Variants in DGUOK observed in about 807,000 individuals in gnomAD.
DGUOK encodes deoxyguanosine kinase, mitochondrial.
A neutral mutation model predicts 36.6 loss-of-function variants in DGUOK; 30 were observed. That is an observed-to-expected ratio of 0.82 (90% CI 0.61 to 1.11). The LOEUF is 1.11. Ranked by LOEUF, DGUOK falls within the 50% of genes most tolerant of loss-of-function variation. DGUOK has a pLI of 0.00. For synonymous variants in DGUOK, 145 were observed against 126.3 expected, an observed-to-expected ratio of 1.15 and a Z score of -0.99; for missense variants, 361 against 336.4, an observed-to-expected ratio of 1.07 and a Z score of -0.57.
chr2:73,941,392 G>A (rs1259717824), intron 2 of DGUOK, among the ~76,000 whole-genome samples: 4 of 152,160 alleles, frequency 2.6e-5, no homozygotes, highest in African/African-American at 9.7e-5. Flanking sequence ...GGCATAATTT[G>A]TTAGGCAGCA....
At chr2:73,957,597 C>T (rs1019847216) in intron 5 of DGUOK, among the ~76,000 whole-genome samples, 5 of 152,176 alleles carry the variant, frequency 3.3e-5, no homozygotes, top group African/African-American at 1.2e-4. Flanking sequence ...TCGCTTGAAC[C>T]TGGGAGGCAA....
Position 73,957,180 on chromosome 2 carries a change from T to G in DGUOK, c.647T>G (p.Leu216Arg). 6.2e-7 allele frequency: 1 copy of G among 1,614,170 alleles called. No homozygotes were observed. Among genetic ancestry groups the G allele is most frequent in the Non-Finnish European group, 8.5e-7 (1 of 1,180,026 alleles). The change falls in exon 5 of 7, where the codon CTG (leucine) becomes CGG (arginine). Residue 216 changes from leucine (L) to arginine (R), a missense_variant. Physicochemically the swap from Leu to Arg is moderately radical, Grantham distance 102 (BLOSUM62 -2). Transcript: ENST00000264093. ...RAREEEKGIE[L>R]AYLEQLHGQH... ...AGGGAGGAGGAGAAAGGAATTGAGC[T>G]GGCCTATCTAGAGCAGCTGCATGGC...
At chr2:73,954,087 A>G (rs939915695) in intron 4 of DGUOK, among the ~76,000 whole-genome samples, 18 of 151,976 alleles carry the variant, frequency 1.2e-4, no homozygotes, top group African/African-American at 4.3e-4. Context: ...CATGCCTGCA[A>G]TGCCAGCACT....
At position 73,934,049 on chromosome 2, in the gene DGUOK, A is replaced by G. The variant is rs78104612; in HGVS notation, c.143-4861A>G. Among the ~76,000 whole-genome samples the G allele has an allele frequency of 1.2e-4, 18 of 152,296 alleles. No homozygotes were observed. The East Asian group carries it at 3.5e-3, about 29-fold the overall frequency. ...TCTTGTTCAGGAGATGAAAATGCCT[A>G]GAGGTGATAAATATAGGCTCCTATG... On this transcript the variant is annotated intron_variant, in intron 1 of 6. Coordinates refer to ENST00000264093, the MANE Select transcript of DGUOK (RefSeq NM_080916.3).
At chr2:73,942,458 T>C (rs151271158) in intron 2 of DGUOK, among the ~76,000 whole-genome samples, 47 of 152,342 alleles carry the variant, frequency 3.1e-4, no homozygotes, top group Non-Finnish European at 5.1e-4. Context: ...AGTAGTATTC[T>C]TGTTTATTCC....
chr2:73,927,203 C>T, intron 1 of DGUOK, 151 bp downstream of exon 1: 1 of 1,062,596 alleles, frequency 9.4e-7, no homozygotes, highest in Non-Finnish European at 1.4e-6. Context: ...GCAAAGTGCA[C>T]TGTGTATCTT....
intron 4 of DGUOK, among the ~76,000 whole-genome samples, chr2:73,953,373 A>G (rs1306343631): frequency 6.6e-6 from 1 of 152,082 alleles, no homozygotes; most frequent in Non-Finnish European, 1.5e-5. Context: ...CAGCTGGAGT[A>G]GAATGAGAAG....
chr2:73,944,194 T>A (rs887784732), intron 2 of DGUOK, among the ~76,000 whole-genome samples: 1 of 152,096 alleles, frequency 6.6e-6, no homozygotes, highest in Admixed American at 6.5e-5. Context: ...AACTTTTAAA[T>A]TTTTTTGTGG....
At chr2:73,943,779 A>G (rs1042087951) in intron 2 of DGUOK, among the ~76,000 whole-genome samples, 5 of 151,690 alleles carry the variant, frequency 3.3e-5, no homozygotes, top group African/African-American at 1.2e-4. Context: ...CCTCCCAAGT[A>G]GTTGGGATTA....
At chr2:73,942,156 T>A (rs75215592) in intron 2 of DGUOK, among the ~76,000 whole-genome samples, 11,185 of 152,188 alleles carry the variant, frequency 0.073, 543 homozygotes, top group African/African-American at 0.14. Context: ...GTAATCCACC[T>A]GAATTGGCCT....
chr2:73,940,773 C>T (rs112650194), intron 2 of DGUOK, among the ~76,000 whole-genome samples: 9 of 152,146 alleles, frequency 5.9e-5, no homozygotes, highest in African/African-American at 1.9e-4. Context: ...CAGTAGCATG[C>T]GATACAGCTT....
intron 1 of DGUOK, among the ~76,000 whole-genome samples, chr2:73,930,554 A>T (rs1680925366): frequency 6.6e-6 from 1 of 152,226 alleles, no homozygotes; most frequent in South Asian, 2.1e-4. Flanking sequence ...TACTTAGGAC[A>T]GGTCATCAGA....
intron 1 of DGUOK, among the ~76,000 whole-genome samples, chr2:73,929,206 T>G (rs1422681222): frequency 1.3e-5 from 2 of 152,168 alleles, no homozygotes; most frequent in African/African-American, 4.8e-5. Flanking sequence ...CCTCCCAGGC[T>G]CAAGCCATCC....
chr2:73,927,262 C>T (rs948400266), intron 1 of DGUOK, among the ~76,000 whole-genome samples: 2 of 152,252 alleles, frequency 1.3e-5, no homozygotes, highest in South Asian at 2.1e-4. Flanking sequence ...CCCACAGGAA[C>T]ATATTTGTTG....
At chr2:73,958,392 G>T (rs763609930) in intron 6 of DGUOK, 147 bp downstream of exon 6, 10 of 721,554 alleles carry the variant, frequency 1.4e-5, no homozygotes, top group Non-Finnish European at 2.5e-5. Context: ...GGAATCTTGT[G>T]CAGATTACAA....
At chr2:73,952,672 C>G (rs1456029448) in intron 4 of DGUOK, among the ~76,000 whole-genome samples, 1 of 152,140 alleles carries the variant, frequency 6.6e-6, no homozygotes, top group Non-Finnish European at 1.5e-5. Context: ...ACAGCACATT[C>G]AGCTCAGTGC....
chr2:73,957,122 T>C lies in DGUOK; in HGVS notation c.592-3T>C, dbSNP rs753238518. 1.2e-6 allele frequency: 2 copies of C among 1,612,182 alleles called. No individual in the cohort carries two copies. Among genetic ancestry groups the C allele is most frequent in the Non-Finnish European group, 1.7e-6 (2 of 1,178,396 alleles). On this transcript the variant is annotated splice_polypyrimidine_tract_variant and splice_region_variant and intron_variant, in intron 4 of 6. Coordinates refer to ENST00000264093, the MANE Select transcript of DGUOK (RefSeq NM_080916.3). ...TCATCAGGGCTTGGGGACTGTCTTT[T>C]AGGTTTGTTTGAAGAGACTGTACCA...
chr2:73,949,799 G>C (rs1310250302), intron 3 of DGUOK, among the ~76,000 whole-genome samples: 4 of 152,178 alleles, frequency 2.6e-5, no homozygotes, highest in Non-Finnish European at 5.9e-5. Flanking sequence ...AAGCAGGATT[G>C]ACCCCTGGTT....
intron 3 of DGUOK, among the ~76,000 whole-genome samples, chr2:73,949,047 G>T (rs1682531800): frequency 6.6e-6 from 1 of 152,178 alleles, no homozygotes. Context: ...CGCCTCCTGG[G>T]TTCAAGCAAT....
Sources: gnomAD v4.1 joint callset for allele counts (sites outside exome capture counted in the v4.1 genomes callset) on GRCh38, gnomAD v4.1.1 for gene constraint, MANE v1.5 for transcripts, NCBI Gene and HGNC (gene_info 2026-07-23, HGNC 2026-07-21) for gene names.